Variants in SIL1 observed in about 807,000 individuals in gnomAD.
SIL1 encodes nucleotide exchange factor SIL1.
SIL1 carries 40 observed loss-of-function variants against 49.1 expected under a neutral mutation model. The observed-to-expected ratio is 0.81, with a 90% CI of 0.63 to 1.06. The LOEUF is 1.06. SIL1 is among the 50% of genes least tolerant of loss of function. SIL1 has a pLI of 0.00. For missense variants in SIL1, 500 were observed against 572.6 expected (o/e 0.87, Z 1.29); for synonymous variants, 253 against 250.8 (o/e 1.01, Z -0.08).
intron 8 of SIL1, 95 bp downstream of exon 8, chr5:138,951,693 C>G (rs1257642799): frequency 8.5e-7 from 1 of 1,178,770 alleles, no homozygotes; most frequent in Non-Finnish European, 1.3e-6. Context: ...GCTCAGGCCC[C>G]CATGGTAACA....
At chr5:138,993,986 T>TTA (rs1424920199) in intron 7 of SIL1, among the ~76,000 whole-genome samples, 4 of 152,158 alleles carry the variant, frequency 2.6e-5, no homozygotes, top group Non-Finnish European at 4.4e-5. Flanking sequence ...CCAAAAACAT[T>TTA]TATTTCAGAA....
At chr5:139,112,693 G>A (rs1056704684) in intron 3 of SIL1, among the ~76,000 whole-genome samples, 12 of 148,786 alleles carry the variant, frequency 8.1e-5, no homozygotes, top group African/African-American at 1.2e-4. Flanking sequence ...GGGCGCCTCC[G>A]CCCGGCCGCC....
At chr5:138,995,439 C>T (rs973709990) in intron 7 of SIL1, among the ~76,000 whole-genome samples, 20 of 152,062 alleles carry the variant, frequency 1.3e-4, no homozygotes, top group Non-Finnish European at 1.3e-4. Flanking sequence ...CAGGGTTTCT[C>T]CATGTTGGTC....
chr5:139,094,278 A>C (rs1770406913), intron 3 of SIL1, among the ~76,000 whole-genome samples: 1 of 152,274 alleles, frequency 6.6e-6, no homozygotes, highest in Non-Finnish European at 1.5e-5. Flanking sequence ...AACAGGTGAT[A>C]CAACAGAATT....
chr5:139,121,205 TG>T, intron 2 of SIL1, 32 bp from the exon 3 acceptor site: 1 of 1,613,808 alleles, frequency 6.2e-7, no homozygotes, highest in Non-Finnish European at 8.5e-7. Flanking sequence ...CATGACCCAC[TG>T]CAACTAGGCG....
At chr5:138,986,996 A>G (rs780107559) in intron 7 of SIL1, among the ~76,000 whole-genome samples, 21 of 152,144 alleles carry the variant, frequency 1.4e-4, no homozygotes, top group Non-Finnish European at 2.9e-4. Context: ...GTCCTTGGGC[A>G]CAACATAGGT....
At chr5:138,953,771 G>A (rs1419725830) in intron 7 of SIL1, among the ~76,000 whole-genome samples, 2 of 152,202 alleles carry the variant, frequency 1.3e-5, no homozygotes, top group Non-Finnish European at 2.9e-5. Flanking sequence ...CCTAAGGAAC[G>A]CTCACCCATG....
rs908633329 is a variant in SIL1, at chr5:139,040,484, CTTTTTTCTTTTTTCT to C, written c.453+2121_453+2135del. Among the ~76,000 whole-genome samples the C allele has an allele frequency of 7.8e-5, 7 of 89,420 alleles. 1 individual carries two copies. Among genetic ancestry groups the C allele is most frequent in the African/African-American group, 2.6e-4 (5 of 19,520 alleles). 58.7% of individuals were successfully genotyped at this position (89,420 alleles called of 152,430 possible). On this transcript the variant is annotated intron_variant, in intron 5 of 9. Transcript: ENST00000394817. ...TTGCAAGGGGAGAGGAGTATTTTTTCTTTTTTCTTTTTTCTTTTTTTTTTTTTTTTTGAGACAGAG... is the reference window on the plus strand; with the variant it reads ...TTGCAAGGGGAGAGGAGTATTTTTTCTTTTTTTTTTTTTTTTGAGACAGAG...
chr5:139,084,285 T>G (rs1327201987), intron 3 of SIL1, among the ~76,000 whole-genome samples: 11 of 147,156 alleles, frequency 7.5e-5, no homozygotes, highest in African/African-American at 1.8e-4. Context: ...CATTACTGGG[T>G]ATATACCCAA....
At chr5:138,989,107 G>A (rs1269587833) in intron 7 of SIL1, among the ~76,000 whole-genome samples, 3 of 152,214 alleles carry the variant, frequency 2.0e-5, no homozygotes, top group Non-Finnish European at 4.4e-5. Context: ...ATCCTCTGGT[G>A]CCGTTTGAAT....
chr5:139,006,993 G>A (rs1250637222), intron 7 of SIL1, among the ~76,000 whole-genome samples: 1 of 139,102 alleles, frequency 7.2e-6, no homozygotes, highest in Admixed American at 7.2e-5. Flanking sequence ...CCAATTCTGT[G>A]AAGAAAGTCA....
chr5:139,038,253 T>C (rs1768961834), intron 5 of SIL1, among the ~76,000 whole-genome samples: 4 of 152,222 alleles, frequency 2.6e-5, no homozygotes, highest in Admixed American at 2.6e-4. Context: ...TGGTTCTTGG[T>C]ATGAAAAGTA....
chr5:139,015,278 A>C (rs527714382), intron 7 of SIL1, among the ~76,000 whole-genome samples: 102 of 152,350 alleles, frequency 6.7e-4, no homozygotes, highest in Non-Finnish European at 1.2e-3. Context: ...AACAGTAAAC[A>C]GGTAACCAAC....
rs191753761 is a variant in SIL1, at chr5:139,161,771, C to T, written c.-10-33918G>A. ...GTGGCTCATGCCTGTAATCCCACCA[C>T]TTTGGGAGGCTGAGGTGGGCAGATT... On this transcript the variant is annotated intron_variant, in intron 1 of 9. Transcript: ENST00000394817. Among the ~76,000 whole-genome samples the T allele has an allele frequency of 2.1e-3, 312 of 152,188 alleles. 2 individuals carry two copies. Among genetic ancestry groups the T allele is most frequent in the Middle Eastern group, 0.014 (4 of 294 alleles).
chr5:139,028,538 AAAAC>A (rs1768714381), intron 5 of SIL1, among the ~76,000 whole-genome samples: 1 of 118,158 alleles, frequency 8.5e-6, no homozygotes, highest in Non-Finnish European at 1.8e-5. Context: ...AAAACAAAAC[AAAAC>A]AAAACTTTTA....
intron 3 of SIL1, among the ~76,000 whole-genome samples, chr5:139,110,719 G>T (rs1251553000): frequency 1.3e-5 from 2 of 152,232 alleles, no homozygotes; most frequent in Non-Finnish European, 2.9e-5. Flanking sequence ...GGCTAGTGGG[G>T]TGCCACCCCC....
At chr5:139,027,226 G>A (rs146717637) in intron 5 of SIL1, among the ~76,000 whole-genome samples, 4 of 152,294 alleles carry the variant, frequency 2.6e-5, no homozygotes, top group Non-Finnish European at 4.4e-5. Context: ...TCCAAGATTC[G>A]CTTATTCAAG....
chr5:139,005,113 C>A (rs1768080593), intron 7 of SIL1, among the ~76,000 whole-genome samples: 1 of 152,060 alleles, frequency 6.6e-6, no homozygotes, highest in South Asian at 2.1e-4. Flanking sequence ...CTGAAAAATG[C>A]TGAGGCAGGG....
chr5:139,107,568 C>T (rs1384199999), intron 3 of SIL1, among the ~76,000 whole-genome samples: 1 of 152,172 alleles, frequency 6.6e-6, no homozygotes, highest in Non-Finnish European at 1.5e-5. Flanking sequence ...ATGTTTTTCT[C>T]TCTTGCACAG....
Sources: allele counts gnomAD v4.1 joint callset (sites outside exome capture counted in the v4.1 genomes callset), GRCh38; gene constraint gnomAD v4.1.1; transcripts MANE v1.5; gene names NCBI Gene and HGNC (gene_info 2026-07-23, HGNC 2026-07-21).